EPB41: variants seen among roughly 807,000 people sequenced by gnomAD.
The protein encoded by EPB41 is erythrocyte membrane protein band 4.1.
Under a neutral mutation model 108.0 loss-of-function variants are expected in EPB41, and 65 were observed. That is an observed-to-expected ratio of 0.60 (90% confidence interval 0.49 to 0.74). The LOEUF (loss-of-function observed/expected upper bound fraction) is 0.74. Ranked by LOEUF, EPB41 falls within the 30% of genes least tolerant of loss-of-function variation. The pLI, the probability that EPB41 is intolerant of heterozygous loss-of-function variation, is 0.00. For synonymous variants in EPB41, 336 were observed against 358.9 expected, an observed-to-expected ratio of 0.94 and a Z score of 0.72; for missense variants, 875 against 1,037.0, an observed-to-expected ratio of 0.84 and a Z score of 2.15.
chr1:29,065,389 C>A, intron 16 of EPB41: 1 of 538,500 alleles, frequency 1.9e-6, no homozygotes, highest in Non-Finnish European at 2.9e-6. Context: ...GATGATTAGC[C>A]TCTGAGAACT....
intron 16 of EPB41, among the ~76,000 whole-genome samples, chr1:29,075,180 T>C (rs1653468236): frequency 6.8e-6 from 1 of 146,408 alleles, no homozygotes; most frequent in Non-Finnish European, 1.5e-5. Context: ...AAAAAATCTT[T>C]TGTGATTGAA....
intron 1 of EPB41, among the ~76,000 whole-genome samples, chr1:28,975,955 A>G (rs1038527070): frequency 2.0e-5 from 3 of 150,950 alleles, no homozygotes; most frequent in Non-Finnish European, 2.9e-5. Context: ...AAAAAAAAAA[A>G]AAAAAAGAAA....
chr1:28,994,824 A>G (rs2096125405), intron 3 of EPB41, among the ~76,000 whole-genome samples: 1 of 150,456 alleles, frequency 6.6e-6, no homozygotes, highest in Non-Finnish European at 1.5e-5. Context: ...ACACCTGGCT[A>G]ATTTTTTATA....
At chr1:28,988,392 C>G (rs2095920817) in intron 2 of EPB41, among the ~76,000 whole-genome samples, 1 of 152,060 alleles carries the variant, frequency 6.6e-6, no homozygotes, top group Non-Finnish European at 1.5e-5. Flanking sequence ...CTGAGTCTTG[C>G]TCTGTCACCC....
chr1:29,076,369 A>T (rs191293862), intron 16 of EPB41, among the ~76,000 whole-genome samples: 2 of 152,304 alleles, frequency 1.3e-5, no homozygotes, highest in African/African-American at 2.4e-5. Flanking sequence ...CAGCTTCTTC[A>T]TAGATAACTT....
At chr1:29,039,591 T>C (rs1471783861) in intron 11 of EPB41, among the ~76,000 whole-genome samples, 165 bp downstream of exon 11, 1 of 152,128 alleles carries the variant, frequency 6.6e-6, no homozygotes, top group Non-Finnish European at 1.5e-5. Flanking sequence ...GGCAGGTGGA[T>C]TGCCTGAGCT....
chr1:28,979,855 T>G (rs2095694271), intron 1 of EPB41, among the ~76,000 whole-genome samples: 1 of 152,206 alleles, frequency 6.6e-6, no homozygotes, highest in South Asian at 2.1e-4. Flanking sequence ...TTGGCAGACT[T>G]GGCAGAAGAA....
intron 1 of EPB41, among the ~76,000 whole-genome samples, chr1:28,946,201 CTTT>C (rs1013041638): frequency 6.9e-6 from 1 of 145,490 alleles, no homozygotes; most frequent in African/African-American, 2.5e-5. Flanking sequence ...ACTTCAACTT[CTTT>C]TTTTTTTTTG....
intron 1 of EPB41, among the ~76,000 whole-genome samples, chr1:28,906,176 CTG>C (rs2091814302): frequency 6.6e-6 from 1 of 152,178 alleles, no homozygotes; most frequent in African/African-American, 2.4e-5. Flanking sequence ...GTCTTGGAAA[CTG>C]AGGTTAGTCA....
chr1:28,909,914 C>G (rs2092133900), upstream of EPB41, among the ~76,000 whole-genome samples: 2 of 151,974 alleles, frequency 1.3e-5, no homozygotes, highest in African/African-American at 4.8e-5. Flanking sequence ...GAGACCCTGT[C>G]TGTACCAAAA....
At chr1:29,083,572 A>C (rs1293422959) in intron 16 of EPB41, among the ~76,000 whole-genome samples, 1 of 152,196 alleles carries the variant, frequency 6.6e-6, no homozygotes, top group East Asian at 1.9e-4. Flanking sequence ...TTTGCAAAAG[A>C]AGCCATTACC....
At position 29,096,311 on chromosome 1, in the gene EPB41, T is replaced by G. The variant is rs1361458238; in HGVS notation, c.2185-1496T>G. 5.1e-6 allele frequency: 5 copies of G among 985,726 alleles called. No homozygotes were observed. The African/African-American group carries it at 8.7e-5, about 17-fold the overall frequency. The allele number at this position is 985,726 out of a possible 1,614,324, so 61.1% of individuals were successfully genotyped here. A position where few individuals can be genotyped will look rare whatever the true frequency, so the allele number is the denominator to read the frequency against. ...GTCTCTGCAAAGCTTTGCCTTTGGC[T>G]CCCTCTCCATAAGCAGCAAGGAGAC... On this transcript the variant is annotated intron_variant, in intron 16 of 20. Coordinates refer to ENST00000343067, the MANE Select transcript of EPB41 (RefSeq NM_001376013.1).
intron 15 of EPB41, among the ~76,000 whole-genome samples, chr1:29,064,662 T>C (rs1339676644): frequency 6.6e-6 from 1 of 152,178 alleles, no homozygotes; most frequent in Non-Finnish European, 1.5e-5. Flanking sequence ...CTTCTTGGGA[T>C]GAGAAGTTAG....
chr1:28,950,797 A>G (rs1571243817), intron 1 of EPB41, among the ~76,000 whole-genome samples: 1 of 152,176 alleles, frequency 6.6e-6, no homozygotes, highest in South Asian at 2.1e-4. Context: ...GCAGCCTCCC[A>G]AGAGGGAAGA....
chr1:29,010,717 G>A (rs982689230), intron 4 of EPB41, among the ~76,000 whole-genome samples: 1 of 152,106 alleles, frequency 6.6e-6, no homozygotes, highest in African/African-American at 2.4e-5. Flanking sequence ...GAACAGTGAA[G>A]GACAAGATTG....
intron 1 of EPB41, among the ~76,000 whole-genome samples, chr1:28,902,973 T>A (rs1335955700): frequency 6.6e-6 from 1 of 152,198 alleles, no homozygotes; most frequent in Non-Finnish European, 1.5e-5. Context: ...CACAGCTGGC[T>A]TCCCAACCAT....
Position 29,060,460 on chromosome 1 carries a change from C to T in EPB41, c.1983C>T (p.Ile661=). 1 of 1,613,276 alleles carries T rather than the reference C, an allele frequency of 6.2e-7. No individual in the cohort carries two copies. The highest frequency in any genetic ancestry group is 8.5e-7 in the Non-Finnish European group (1 of 1,179,348). Residue 661 remains isoleucine (I), a synonymous_variant, in exon 15 of 21, where the codon ATC becomes ATT. Coordinates refer to ENST00000343067, the MANE Select transcript of EPB41 (RefSeq NM_001376013.1). ...GACTAGATGGTGAAAACATTTATAT[C>T]AGACATAGCAATTTAATGTTGGAGG... ...RERLDGENIY[I]RHSNLMLEDL...
intron 1 of EPB41, among the ~76,000 whole-genome samples, chr1:28,902,874 TCAAA>T (rs1490160161): frequency 6.6e-6 from 1 of 152,072 alleles, no homozygotes; most frequent in Non-Finnish European, 1.5e-5. Flanking sequence ...TTCTCACCTG[TCAAA>T]CAGAGATAAA....
chr1:29,103,999 G>A (rs1666309610), intron 17 of EPB41, among the ~76,000 whole-genome samples: 1 of 152,166 alleles, frequency 6.6e-6, no homozygotes, highest in South Asian at 2.1e-4. Context: ...GCTAGACAGT[G>A]GGGTAGAGTG....
Sources: allele counts gnomAD v4.1 joint callset (sites outside exome capture counted in the v4.1 genomes callset), GRCh38; gene constraint gnomAD v4.1.1; transcripts MANE v1.5; gene names NCBI Gene and HGNC (gene_info 2026-07-23, HGNC 2026-07-21).